Variants in CHODL observed in about 807,000 individuals in gnomAD.
CHODL encodes the protein transmembrane protein MT75.
Under a neutral mutation model 34.5 loss-of-function variants are expected in CHODL, and 29 were observed. The observed-to-expected ratio is 0.84, with a 90% CI of 0.63 to 1.15. CHODL has a LOEUF of 1.15. Among genes scored for constraint, CHODL ranks in the 50% most tolerant of loss-of-function variants. The pLI, the probability that CHODL is intolerant of heterozygous loss-of-function variation, is 0.00. For synonymous variants in CHODL, 125 were observed against 116.1 expected, an observed-to-expected ratio of 1.08 and a Z score of -0.49; for missense variants, 332 against 332.5, an observed-to-expected ratio of 1.00 and a Z score of 0.01.
chr21:18,113,533 G>T (rs548583917), intron 2 of CHODL, among the ~76,000 whole-genome samples: 35 of 152,094 alleles, frequency 2.3e-4, no homozygotes, highest in Non-Finnish European at 4.4e-4. Flanking sequence ...AAGGTGAAGG[G>T]GAAGCAGGCA....
At chr21:18,033,325 A>T (rs1408231623) in intron 2 of CHODL, among the ~76,000 whole-genome samples, 4 of 152,070 alleles carry the variant, frequency 2.6e-5, no homozygotes, top group Non-Finnish European at 5.9e-5. Flanking sequence ...GAGATCATAT[A>T]GGTCATTGTA....
chr21:18,220,844 C>T (rs975754644), intron 2 of CHODL, among the ~76,000 whole-genome samples: 2 of 152,036 alleles, frequency 1.3e-5, no homozygotes, highest in Admixed American at 6.6e-5. Context: ...TGGTTTTTGA[C>T]AGTTTGACTA....
intron 2 of CHODL, among the ~76,000 whole-genome samples, chr21:18,170,656 T>C (rs1487789508): frequency 6.6e-6 from 1 of 152,158 alleles, no homozygotes; most frequent in Non-Finnish European, 1.5e-5. Context: ...CAATTGTATA[T>C]CAAAATTTCA....
At chr21:17,949,338 A>G (rs2063437609) in intron 1 of CHODL, among the ~76,000 whole-genome samples, 1 of 152,224 alleles carries the variant, frequency 6.6e-6, no homozygotes, top group Non-Finnish European at 1.5e-5. Context: ...ATTATGTCAC[A>G]TTCTTGGCTT....
intron 2 of CHODL, among the ~76,000 whole-genome samples, chr21:18,092,397 T>G (rs2065084897): frequency 6.6e-6 from 1 of 152,132 alleles, no homozygotes; most frequent in Non-Finnish European, 1.5e-5. Context: ...CTACCATAAA[T>G]AGCTAACTCT....
intron 2 of CHODL, among the ~76,000 whole-genome samples, chr21:18,041,068 A>G (rs1336122291): frequency 2.6e-5 from 4 of 151,972 alleles, no homozygotes. Context: ...TAGAAAAGTG[A>G]AACAGTCCTT....
intron 1 of CHODL, among the ~76,000 whole-genome samples, chr21:17,980,530 G>A (rs551704815): frequency 2.0e-5 from 3 of 152,176 alleles, no homozygotes; most frequent in Non-Finnish European, 4.4e-5. Flanking sequence ...TTTCAGGCCT[G>A]TACTTGAAAA....
intron 2 of CHODL, among the ~76,000 whole-genome samples, chr21:18,103,465 C>T (rs1001748416): frequency 6.6e-6 from 1 of 152,110 alleles, no homozygotes; most frequent in Non-Finnish European, 1.5e-5. Flanking sequence ...TAAAGAATTG[C>T]CCTAAAACTC....
chr21:18,017,098 G>A (rs2064082443), intron 1 of CHODL, among the ~76,000 whole-genome samples: 1 of 152,154 alleles, frequency 6.6e-6, no homozygotes, highest in South Asian at 2.1e-4. Context: ...CTTTGCAATT[G>A]GACTTTTGAG....
chr21:18,048,704 T>A (rs2064475599), intron 2 of CHODL, among the ~76,000 whole-genome samples: 1 of 151,972 alleles, frequency 6.6e-6, no homozygotes, highest in African/African-American at 2.4e-5. Context: ...GGAATAATTA[T>A]AAGCACTGGA....
At chr21:17,955,615 G>C (rs2063489424) in intron 1 of CHODL, among the ~76,000 whole-genome samples, 1 of 136,976 alleles carries the variant, frequency 7.3e-6, no homozygotes, top group African/African-American at 2.5e-5. Context: ...TTATCTTAGA[G>C]TTGCCAAATA....
intron 2 of CHODL, among the ~76,000 whole-genome samples, chr21:18,088,448 TG>T (rs2065034060): frequency 1.3e-5 from 2 of 152,192 alleles, no homozygotes; most frequent in South Asian, 4.1e-4. Context: ...GGATTCTCTG[TG>T]GGCTCCCTTT....
intron 1 of CHODL, among the ~76,000 whole-genome samples, chr21:17,960,445 T>G (rs1568817711): frequency 6.6e-6 from 1 of 152,202 alleles, no homozygotes; most frequent in Non-Finnish European, 1.5e-5. Context: ...CCTGGCCAAA[T>G]TCAATAACAT....
chr21:17,991,049 G>C (rs2063793144), intron 1 of CHODL, among the ~76,000 whole-genome samples: 1 of 152,028 alleles, frequency 6.6e-6, no homozygotes, highest in South Asian at 2.1e-4. Context: ...CTGTGAGTGA[G>C]AACGTTTGAT....
chr21:18,098,249 A>G (rs2065164295), intron 2 of CHODL, among the ~76,000 whole-genome samples: 1 of 152,018 alleles, frequency 6.6e-6, no homozygotes, highest in Non-Finnish European at 1.5e-5. Context: ...AGAGCAAATT[A>G]AATAATTAAG....
At chr21:18,239,217 G>C (rs1257441133) in intron 2 of CHODL, among the ~76,000 whole-genome samples, 1 of 151,964 alleles carries the variant, frequency 6.6e-6, no homozygotes, top group Admixed American at 6.6e-5. Flanking sequence ...TTTTTAAAAG[G>C]TAACCTAGAG....
intron 2 of CHODL, among the ~76,000 whole-genome samples, chr21:18,156,840 G>A (rs2073041039): frequency 6.6e-6 from 1 of 152,288 alleles, no homozygotes; most frequent in African/African-American, 2.4e-5. Context: ...TCAGTTAGAA[G>A]ATTCGATAGC....
intron 1 of CHODL, among the ~76,000 whole-genome samples, chr21:17,921,447 A>G (rs1255437155): frequency 6.6e-6 from 1 of 152,220 alleles, no homozygotes; most frequent in Non-Finnish European, 1.5e-5. Flanking sequence ...CAGGGGGTCT[A>G]ACCCTCTTGT....
rs140961877 is a variant in CHODL, at chr21:18,086,598, C to A, written c.-45+58627C>A. ...TGATAGTATAATCTTTGTATGACTACTTTGGTTGTACACAGGGTCAGTGGT... is the reference window on the plus strand; with the variant it reads ...TGATAGTATAATCTTTGTATGACTAATTTGGTTGTACACAGGGTCAGTGGT... On this transcript the variant is annotated intron_variant, in intron 2 of 6. Coordinates refer to the CHODL transcript ENST00000400127. 3.9e-5 allele frequency among the ~76,000 whole-genome samples: 6 copies of A among 152,220 alleles called. No homozygotes were observed. The East Asian group carries it at 1.2e-3, about 29-fold the overall frequency.
Sources: gnomAD v4.1 joint callset for allele counts (sites outside exome capture counted in the v4.1 genomes callset) on GRCh38, gnomAD v4.1.1 for gene constraint, MANE v1.5 for transcripts, NCBI Gene and HGNC (gene_info 2026-07-23, HGNC 2026-07-21) for gene names.